The following NLGN1 variants were observed in gnomAD, a reference collection of about 807,000 sequenced individuals.
NLGN1 encodes neuroligin 1, also known as neuroligin-1.
A neutral mutation model predicts 65.5 loss-of-function variants in NLGN1; 12 were observed. The observed-to-expected ratio is 0.18, with a 90% CI of 0.12 to 0.30. The LOEUF is 0.30. NLGN1 is among the 10% of genes least tolerant of loss of function. NLGN1 has a pLI of 1.00. For synonymous variants in NLGN1, 350 were observed against 359.5 expected (o/e 0.97, Z 0.30); for missense variants, 750 against 1,007.1 (o/e 0.74, Z 3.46).
rs148139095 is a variant in NLGN1 at position 173,468,238 on chromosome 3, T to G, written c.-321+33160T>G. 1.5e-3 allele frequency among the ~76,000 whole-genome samples: 229 copies of G among 152,248 alleles called. 1 individual carries two copies. The highest frequency in any genetic ancestry group is 5.1e-3 in the African/African-American group (213 of 41,580). ...GAATAAATAACTGGATTAGTGTATG[T>G]TCTTTTTGTTCCTTTGCCTGCTTTT... On this transcript the variant is annotated intron_variant, in intron 2 of 6. Transcript: ENST00000457714.
At chr3:173,853,428 T>C (rs1000083533) in intron 4 of NLGN1, among the ~76,000 whole-genome samples, 2 of 152,156 alleles carry the variant, frequency 1.3e-5, no homozygotes, top group African/African-American at 2.4e-5. Context: ...AGATTTGTCT[T>C]TCTCCGAAAT....
At chr3:174,022,867 A>G (rs1213850788) in intron 4 of NLGN1, among the ~76,000 whole-genome samples, 1 of 152,140 alleles carries the variant, frequency 6.6e-6, no homozygotes, top group African/African-American at 2.4e-5. Flanking sequence ...TGGAGGTGCT[A>G]GTAATGGTCT....
intron 4 of NLGN1, among the ~76,000 whole-genome samples, chr3:173,951,491 C>A (rs910017152): frequency 2.0e-5 from 3 of 146,378 alleles, no homozygotes; most frequent in Admixed American, 6.9e-5. Flanking sequence ...GAGACGGAGT[C>A]TTGCTCTGTC....
chr3:173,592,569 C>A (rs1218773419), intron 2 of NLGN1, among the ~76,000 whole-genome samples: 1 of 152,132 alleles, frequency 6.6e-6, no homozygotes, highest in African/African-American at 2.4e-5. Flanking sequence ...TTTCGTCCCC[C>A]CTGGCTGCAA....
intron 2 of NLGN1, among the ~76,000 whole-genome samples, chr3:173,475,025 T>A (rs1016877036): frequency 6.6e-6 from 1 of 152,132 alleles, no homozygotes; most frequent in Admixed American, 6.6e-5. Flanking sequence ...TCTGATACTA[T>A]GAAATTTTAT....
At chr3:173,565,814 T>C (rs191712648) in intron 2 of NLGN1, among the ~76,000 whole-genome samples, 3 of 152,302 alleles carry the variant, frequency 2.0e-5, no homozygotes, top group East Asian at 3.9e-4. Context: ...GCAAGGAAGA[T>C]GAAGCAGATA....
intron 4 of NLGN1, among the ~76,000 whole-genome samples, chr3:173,978,246 T>G (rs949602919): frequency 3.9e-5 from 6 of 152,130 alleles, no homozygotes; most frequent in African/African-American, 1.4e-4. Context: ...TCTGCCTCCT[T>G]TGGCATTGGC....
In NLGN1 at chr3:173,697,182, T is replaced by C. The variant is rs553670628; in HGVS notation, c.493+92091T>C. On this transcript the variant is annotated intron_variant, in intron 3 of 6. Transcript: ENST00000457714. ...CTAACATATAGATACATGTTTTAAT[T>C]ACAGGCACATTGCATAGATACTCAT... is the stretch of plus-strand genomic sequence containing the variant. Among the ~76,000 whole-genome samples, 5 of 152,344 alleles carry C rather than the reference T, an allele frequency of 3.3e-5. No individual in the cohort carries two copies. The East Asian group carries it at 9.7e-4, about 29-fold the overall frequency.
intron 3 of NLGN1, among the ~76,000 whole-genome samples, chr3:173,763,992 C>T (rs1778387503): frequency 6.6e-6 from 1 of 152,118 alleles, no homozygotes; most frequent in Admixed American, 6.6e-5. Context: ...TAACAAATAT[C>T]TGAAGCATTG....
intron 4 of NLGN1, among the ~76,000 whole-genome samples, chr3:173,948,849 C>T (rs1161620939): frequency 6.6e-6 from 1 of 152,016 alleles, no homozygotes; most frequent in Admixed American, 6.6e-5. Context: ...ATGATAAACT[C>T]AAATTTAGTG....
rs180947414 is a variant in NLGN1 at position 173,806,475 on chromosome 3, G to T, written c.494-1205G>T. 3.8e-4 allele frequency among the ~76,000 whole-genome samples: 57 copies of T among 151,910 alleles called. 1 individual carries two copies. Among genetic ancestry groups the T allele is most frequent in the African/African-American group, 1.2e-3 (50 of 41,466 alleles). On this transcript the variant is annotated intron_variant, in intron 3 of 6. Coordinates refer to ENST00000457714, the Ensembl canonical transcript of NLGN1. ...ACAAAAACATACTATTAAATTATAC[G>T]TTTTAATATTGGCATAAAAAAAGAT...
chr3:174,278,199 T>A (rs1750937894), intron 5 of NLGN1, among the ~76,000 whole-genome samples: 1 of 151,974 alleles, frequency 6.6e-6, no homozygotes, highest in Admixed American at 6.6e-5. Flanking sequence ...TTTAACCTAG[T>A]GAAAACACTT....
intron 2 of NLGN1, among the ~76,000 whole-genome samples, chr3:173,441,568 A>G (rs1719207208): frequency 6.6e-6 from 1 of 152,160 alleles, no homozygotes; most frequent in African/African-American, 2.4e-5. Flanking sequence ...AGATAGGGAA[A>G]TGATGGTTAG....
chr3:173,731,393 A>G (rs1772818383), intron 3 of NLGN1, among the ~76,000 whole-genome samples: 2 of 152,086 alleles, frequency 1.3e-5, no homozygotes, highest in African/African-American at 4.8e-5. Context: ...TCAAGTTTTT[A>G]TTTTGGAAAT....
rs146840432 is a variant in NLGN1, at chr3:173,694,236, T to C, written c.493+89145T>C. ...TCAATTTTGAATTATATTTCTTCTG[T>C]ATGTTTAAGTCAGTGATGCACTCTG... On this transcript the variant is annotated intron_variant, in intron 3 of 6. Coordinates refer to ENST00000457714, the Ensembl canonical transcript of NLGN1. Among the ~76,000 whole-genome samples, 173 of 152,270 alleles carry C rather than the reference T, an allele frequency of 1.1e-3. 1 individual carries two copies. In the Middle Eastern group the frequency reaches 0.031, roughly 27 times the overall value.
intron 4 of NLGN1, among the ~76,000 whole-genome samples, chr3:174,024,529 A>G (rs1377733536): frequency 6.6e-6 from 1 of 152,218 alleles, no homozygotes; most frequent in African/African-American, 2.4e-5. Flanking sequence ...TATCCCACTA[A>G]GAAAAATGTT....
chr3:173,452,765 G>T (rs2148854578), intron 2 of NLGN1, among the ~76,000 whole-genome samples: 1 of 152,280 alleles, frequency 6.6e-6, no homozygotes, highest in South Asian at 2.1e-4. Context: ...AGGAGATTCA[G>T]GGATACCTCA....
chr3:173,687,707 A>G (rs1465852424), intron 3 of NLGN1, among the ~76,000 whole-genome samples: 1 of 152,210 alleles, frequency 6.6e-6, no homozygotes, highest in Non-Finnish European at 1.5e-5. Flanking sequence ...TATTTCACTT[A>G]TATATGTATG....
intron 4 of NLGN1, among the ~76,000 whole-genome samples, chr3:174,259,807 T>C (rs1746505485): frequency 6.6e-6 from 1 of 150,532 alleles, no homozygotes; most frequent in African/African-American, 2.4e-5. Context: ...TAGCATTAGG[T>C]ATATCTCCCA....
Sources: allele counts gnomAD v4.1 joint callset (sites outside exome capture counted in the v4.1 genomes callset), GRCh38; gene constraint gnomAD v4.1.1; transcripts MANE v1.5; gene names NCBI Gene and HGNC (gene_info 2026-07-23, HGNC 2026-07-21).